RAP1GAP2: variants seen among roughly 807,000 people sequenced by gnomAD.
RAP1GAP2 encodes the protein RAP1 GTPase activating protein 2.
A neutral mutation model predicts 95.0 loss-of-function variants in RAP1GAP2; 27 were observed. The observed-to-expected ratio is 0.28, with a 90% CI of 0.21 to 0.39. The LOEUF (loss-of-function observed/expected upper bound fraction) is 0.39. Ranked by LOEUF, RAP1GAP2 falls within the 10% of genes least tolerant of loss-of-function variation. RAP1GAP2 has a pLI of 1.00. For synonymous variants in RAP1GAP2, 373 were observed against 380.9 expected, an observed-to-expected ratio of 0.98 and a Z score of 0.24; for missense variants, 771 against 970.0, an observed-to-expected ratio of 0.79 and a Z score of 2.72.
intron 2 of RAP1GAP2, among the ~76,000 whole-genome samples, chr17:2,848,960 C>A (rs917225423): frequency 3.3e-5 from 5 of 152,194 alleles, no homozygotes; most frequent in Non-Finnish European, 7.3e-5. Context: ...TGTGCTGTGG[C>A]CCAGCAGGGG....
At chr17:3,013,557 G>A (rs556623853) in intron 17 of RAP1GAP2, among the ~76,000 whole-genome samples, 1 of 151,630 alleles carries the variant, frequency 6.6e-6, no homozygotes, top group Non-Finnish European at 1.5e-5. Context: ...TGACTCCGGC[G>A]GCTGCACCAG....
Position 2,787,577 on chromosome 17 carries a change from G to GT in RAP1GAP2, c.-14+10307dup, listed in dbSNP as rs778286138. The stretch of plus-strand genomic sequence containing the variant: ...TGAGCCTGTTTTTTTGTTTTGTTTT[G>GT]TTTTTTTTGAGATGGAGTCTTGCTC... On this transcript the variant is annotated intron_variant, in intron 1 of 24. Transcript: ENST00000540393. 1.6e-4 allele frequency among the ~76,000 whole-genome samples: 24 copies of GT among 151,296 alleles called. No homozygotes were observed. In the South Asian group the frequency reaches 1.9e-3, roughly 12 times the overall value.
chr17:2,985,563 A>T (rs768377142), intron 11 of RAP1GAP2, among the ~76,000 whole-genome samples: 4 of 152,190 alleles, frequency 2.6e-5, no homozygotes, highest in Non-Finnish European at 5.9e-5. Context: ...ACACTATGGA[A>T]ATTTGCAAAC....
chr17:2,776,381 CATTGCATCT>C (rs1394383787), upstream of RAP1GAP2, among the ~76,000 whole-genome samples: 1 of 152,214 alleles, frequency 6.6e-6, no homozygotes, highest in African/African-American at 2.4e-5. Context: ...CCATTGCCCC[CATTGCATCT>C]TCCAGGAACC....
intron 1 of RAP1GAP2, among the ~76,000 whole-genome samples, chr17:2,788,875 AC>A (rs1433559320): frequency 6.6e-6 from 1 of 152,090 alleles, no homozygotes; most frequent in African/African-American, 2.4e-5. Flanking sequence ...TACTTAGTCT[AC>A]CAATTCAAAG....
chr17:2,820,295 C>T (rs1356143661), intron 2 of RAP1GAP2, among the ~76,000 whole-genome samples: 1 of 152,058 alleles, frequency 6.6e-6, no homozygotes, highest in Non-Finnish European at 1.5e-5. Flanking sequence ...TGTTGGGTCG[C>T]AGCTCTACTG....
At chr17:2,799,737 A>C (rs773117706) in intron 1 of RAP1GAP2, among the ~76,000 whole-genome samples, 1 of 152,172 alleles carries the variant, frequency 6.6e-6, no homozygotes, top group Non-Finnish European at 1.5e-5. Flanking sequence ...AAGAGGAGAT[A>C]CTGACAGTGG....
Position 2,802,265 on chromosome 17 carries a change from A to G in RAP1GAP2, c.80+1715A>G, listed in dbSNP as rs534912923. Reference sequence around the variant, plus strand: ...GCAGGTCCCTGGGCAAAGTACGGCCAGTCTTGACGGTTGGCATAAAAGAGG... The same window carrying G: ...GCAGGTCCCTGGGCAAAGTACGGCCGGTCTTGACGGTTGGCATAAAAGAGG... On this transcript the variant is annotated intron_variant, in intron 2 of 24. Transcript: ENST00000254695. Among the ~76,000 whole-genome samples, 31 of 152,302 alleles carry G rather than the reference A, an allele frequency of 2.0e-4. 2 individuals are homozygous for G. In the East Asian group the frequency reaches 6.0e-3, roughly 29 times the overall value.
At chr17:2,813,165 A>G in intron 2 of RAP1GAP2, among the ~76,000 whole-genome samples, 1 of 150,134 alleles carries the variant, frequency 6.7e-6, no homozygotes, top group East Asian at 2.0e-4. Context: ...TCCGCCTCCC[A>G]GGTTCAAGCG....
At chr17:2,770,147 G>T (rs899336743) in intron 1 of RAP1GAP2, among the ~76,000 whole-genome samples, 11 of 151,352 alleles carry the variant, frequency 7.3e-5, no homozygotes, top group Non-Finnish European at 1.2e-4. Context: ...GATCCTTCTA[G>T]CTGCCTCCTC....
chr17:2,925,123 C>T (rs1200466906), intron 3 of RAP1GAP2, among the ~76,000 whole-genome samples: 1 of 152,166 alleles, frequency 6.6e-6, no homozygotes, highest in Non-Finnish European at 1.5e-5. Flanking sequence ...TTGTTCTTGT[C>T]TGCTTGGCCT....
intron 2 of RAP1GAP2, among the ~76,000 whole-genome samples, chr17:2,852,429 C>G (rs1466741750): frequency 6.6e-6 from 1 of 152,152 alleles, no homozygotes; most frequent in Non-Finnish European, 1.5e-5. Context: ...GCTTCCTCCC[C>G]TCCACCCCAA....
In RAP1GAP2 at chr17:2,867,596, G is replaced by C. The variant is rs577298021; in HGVS notation, c.81-37688G>C. 7.9e-5 allele frequency among the ~76,000 whole-genome samples: 12 copies of C among 152,260 alleles called. No individual in the cohort carries two copies. The highest frequency in any genetic ancestry group is 2.9e-4 in the African/African-American group (12 of 41,570). ...GTCACATACGCATCCCTGAACTTTG[G>C]CCAGAGGGGTGGGATACACTGATTC... On this transcript the variant is annotated intron_variant, in intron 2 of 24. Coordinates refer to ENST00000254695, the MANE Select transcript of RAP1GAP2 (RefSeq NM_015085.5). The surrounding 1 kb of genome is among the most constrained non-coding windows in gnomAD (Gnocchi z 4.5).
At chr17:2,967,940 A>G (rs1382517514) in intron 8 of RAP1GAP2, among the ~76,000 whole-genome samples, 3 of 152,180 alleles carry the variant, frequency 2.0e-5, no homozygotes, top group African/African-American at 7.2e-5. Flanking sequence ...GAATCTACCC[A>G]CAGTTTGGAG....
At chr17:2,927,525 T>G (rs1369116354) in intron 3 of RAP1GAP2, among the ~76,000 whole-genome samples, 1 of 148,068 alleles carries the variant, frequency 6.8e-6, no homozygotes, top group Non-Finnish European at 1.5e-5. Flanking sequence ...AGAGACTCTT[T>G]TGATCACACT....
intron 1 of RAP1GAP2, among the ~76,000 whole-genome samples, chr17:2,782,957 C>T (rs1311092179): frequency 6.6e-6 from 1 of 152,194 alleles, no homozygotes; most frequent in Non-Finnish European, 1.5e-5. Context: ...GTGGAGGCTG[C>T]AGTGAGCCCA....
At chr17:2,882,799 G>T (rs1053933863) in intron 2 of RAP1GAP2, among the ~76,000 whole-genome samples, 2 of 152,190 alleles carry the variant, frequency 1.3e-5, no homozygotes, top group Non-Finnish European at 2.9e-5. Context: ...GAGGTGGCGA[G>T]GACTTTGTGA....
intron 3 of RAP1GAP2, among the ~76,000 whole-genome samples, chr17:2,936,238 C>T (rs1230036753): frequency 7.1e-6 from 1 of 140,912 alleles, no homozygotes; most frequent in Admixed American, 7.1e-5. Flanking sequence ...GGTATGTCTC[C>T]TAATGCTATC....
At chr17:2,939,592 T>A (rs1164915033) in intron 3 of RAP1GAP2, among the ~76,000 whole-genome samples, 1 of 151,774 alleles carries the variant, frequency 6.6e-6, no homozygotes, top group Non-Finnish European at 1.5e-5. Context: ...AGACCCGGGG[T>A]CTCCTTCAGG....
Sources: gnomAD v4.1 joint callset for allele counts (sites outside exome capture counted in the v4.1 genomes callset) on GRCh38, gnomAD v4.1.1 for gene constraint, Gnocchi (gnomAD v3.1) non-coding constraint, MANE v1.5 for transcripts, NCBI Gene and HGNC (gene_info 2026-07-23, HGNC 2026-07-21) for gene names.